PRKAA2: variants seen among roughly 807,000 people sequenced by gnomAD.
The protein encoded by PRKAA2 is protein kinase AMP-activated catalytic subunit alpha 2, also known as 5'-AMP-activated protein kinase catalytic subunit alpha-2.
In PRKAA2, 40 loss-of-function variants were observed where a neutral mutation model predicts 56.3. The observed-to-expected ratio is 0.71, with a 90% CI of 0.55 to 0.92. PRKAA2 has a LOEUF of 0.92. Among genes scored for constraint, PRKAA2 ranks in the 40% least tolerant of loss-of-function variants. PRKAA2 has a pLI of 0.00. For synonymous variants in PRKAA2, 214 were observed against 234.2 expected, an observed-to-expected ratio of 0.91 and a Z score of 0.79; for missense variants, 542 against 686.9, an observed-to-expected ratio of 0.79 and a Z score of 2.36.
chr1:56,657,536 TGTG>T (rs1643955678), intron 1 of PRKAA2, among the ~76,000 whole-genome samples: 1 of 151,886 alleles, frequency 6.6e-6, no homozygotes, highest in African/African-American at 2.4e-5. Context: ...ATTGGCCAGA[TGTG>T]GTAGCACACA....
intron 1 of PRKAA2, among the ~76,000 whole-genome samples, chr1:56,666,820 A>G (rs952606158): frequency 1.1e-4 from 17 of 152,178 alleles, no homozygotes; most frequent in African/African-American, 3.9e-4. Flanking sequence ...TTAATATTCA[A>G]CCATTCTGAT....
rs1354021594 is a variant in PRKAA2 at position 56,713,935 on chromosome 1, TTTTC to T, written c.*6226_*6229del. ...ATAGTAAAAACTTGTTTAAACTATA[TTTTC>T]TTTTTTTCTAATCCCTCTCAGTTCT... On this transcript the variant is annotated 3_prime_UTR_variant, in exon 9 of 9. Transcript: ENST00000371244. 2 of 151,852 alleles carry T rather than the reference TTTTC, an allele frequency of 1.3e-5. No individual in the cohort carries two copies. The highest frequency in any genetic ancestry group is 2.9e-5 in the Non-Finnish European group (2 of 67,938). 9.4% of individuals were successfully genotyped at this position (151,852 alleles called of 1,614,324 possible). A position where few individuals can be genotyped will look rare whatever the true frequency, so the allele number is the denominator to read the frequency against.
At chr1:56,692,249 C>G (rs930746067) in intron 3 of PRKAA2, 109 bp from the exon 4 acceptor site, 1 of 1,331,940 alleles carries the variant, frequency 7.5e-7, no homozygotes, top group Admixed American at 2.1e-5. Flanking sequence ...TCAGGCTGGT[C>G]TCAAACTCCT....
At chr1:56,686,883 CT>C (rs144698190) in intron 2 of PRKAA2, among the ~76,000 whole-genome samples, 11,831 of 128,296 alleles carry the variant, frequency 0.092, 531 homozygotes, top group Middle Eastern at 0.2. Context: ...CCTAAATACT[CT>C]TTTTTTTTTT....
At chr1:56,706,443 A>T (rs1644332837) in intron 8 of PRKAA2, among the ~76,000 whole-genome samples, 1 of 152,236 alleles carries the variant, frequency 6.6e-6, no homozygotes, top group Admixed American at 6.5e-5. Context: ...TAAAAGAATC[A>T]TTTGAAGTGT....
chr1:56,669,239 A>T (rs908277987), intron 1 of PRKAA2, among the ~76,000 whole-genome samples: 2 of 152,102 alleles, frequency 1.3e-5, no homozygotes, highest in Admixed American at 1.3e-4. Flanking sequence ...CAGGCAGATC[A>T]CCTGAGGTCA....
chr1:56,690,305 A>G (rs2100422361), intron 2 of PRKAA2, among the ~76,000 whole-genome samples: 1 of 152,118 alleles, frequency 6.6e-6, no homozygotes, highest in East Asian at 1.9e-4. Context: ...CTGGGACTAC[A>G]GGTGCCCGCC....
At chr1:56,693,652 T>A (rs950543129) in intron 4 of PRKAA2, 113 bp from the exon 5 acceptor site, 15 of 597,230 alleles carry the variant, frequency 2.5e-5, no homozygotes, top group African/African-American at 2.5e-4. Context: ...TTTAATAACT[T>A]AAAAAAAAAT....
At chr1:56,686,831 T>G (rs1014799916) in intron 2 of PRKAA2, among the ~76,000 whole-genome samples, 3 of 151,794 alleles carry the variant, frequency 2.0e-5, no homozygotes, top group Non-Finnish European at 1.5e-5. Context: ...CAAACCATAT[T>G]AATGTTCACA....
intron 2 of PRKAA2, 78 bp downstream of exon 2, chr1:56,674,600 A>C: frequency 5.7e-6 from 7 of 1,225,474 alleles, no homozygotes; most frequent in Non-Finnish European, 5.5e-6. Flanking sequence ...AATAATTGTT[A>C]ATTGTTAACC....
chr1:56,655,616 C>T (rs1352041815), intron 1 of PRKAA2, among the ~76,000 whole-genome samples: 1 of 151,998 alleles, frequency 6.6e-6, no homozygotes, highest in Non-Finnish European at 1.5e-5. Flanking sequence ...GACCCAAACA[C>T]CTCCCATTAG....
chr1:56,654,533 T>C (rs530631891), intron 1 of PRKAA2, among the ~76,000 whole-genome samples: 2 of 152,306 alleles, frequency 1.3e-5, no homozygotes, highest in Middle Eastern at 3.4e-3. Context: ...AAATATGTTA[T>C]AAAAATGAGA....
At chr1:56,703,950 G>A (rs753566259) in intron 6 of PRKAA2, 21 bp from the exon 7 acceptor site, 7 of 1,578,662 alleles carry the variant, frequency 4.4e-6, no homozygotes, top group South Asian at 3.6e-5. Flanking sequence ...TTACAATAAT[G>A]TATTGTGGTG....
At chr1:56,671,492 C>T (rs1644076538) in intron 1 of PRKAA2, 1 of 152,158 alleles carries the variant, frequency 6.6e-6, no homozygotes, top group Non-Finnish European at 1.5e-5. Context: ...GTCCTAGAAA[C>T]ATATTTTGAA....
rs372480804 is a variant in PRKAA2, at chr1:56,704,489, A to G, written c.1293+14A>G. 2 of 1,562,868 alleles carry G rather than the reference A, an allele frequency of 1.3e-6. No homozygotes were observed. The highest frequency in any genetic ancestry group is 1.7e-6 in the Non-Finnish European group (2 of 1,162,370). On this transcript the variant is annotated intron_variant, in intron 7 of 8. Transcript: ENST00000371244. ...TTTGAATGGAAGGTAGGAAATTATA[A>G]TGTAATAAGATCATTTGTAGAAGCC...
At chr1:56,702,911 C>G (rs1026287375) in intron 6 of PRKAA2, among the ~76,000 whole-genome samples, 4 of 152,122 alleles carry the variant, frequency 2.6e-5, no homozygotes, top group African/African-American at 7.2e-5. Context: ...AAAATATAAT[C>G]TTTGGGAGGA....
intron 6 of PRKAA2, among the ~76,000 whole-genome samples, chr1:56,696,522 T>G (rs1440159616): frequency 6.6e-6 from 1 of 152,200 alleles, no homozygotes; most frequent in African/African-American, 2.4e-5. Context: ...TATCTAGTTA[T>G]TTCTCAGTGT....
chr1:56,648,549 A>G (rs895979013), intron 1 of PRKAA2, among the ~76,000 whole-genome samples: 2 of 152,212 alleles, frequency 1.3e-5, no homozygotes, highest in African/African-American at 4.8e-5. Flanking sequence ...ATATGTTTTC[A>G]TACACCTTGG....
At chr1:56,674,776 G>T (rs1644102096) in intron 2 of PRKAA2, among the ~76,000 whole-genome samples, 1 of 151,760 alleles carries the variant, frequency 6.6e-6, no homozygotes. Flanking sequence ...TTCTAAATTA[G>T]TACATCAATT....
Sources: gnomAD v4.1 joint callset for allele counts (sites outside exome capture counted in the v4.1 genomes callset) on GRCh38, gnomAD v4.1.1 for gene constraint, MANE v1.5 for transcripts, NCBI Gene and HGNC (gene_info 2026-07-23, HGNC 2026-07-21) for gene names.